The following ADAM18 variants were observed in gnomAD, a reference collection of about 807,000 sequenced individuals.
The protein encoded by ADAM18 is ADAM metallopeptidase domain 18, also known as disintegrin and metalloproteinase domain-containing protein 18.
In ADAM18, 117 loss-of-function variants were observed where a neutral mutation model predicts 94.4. The observed-to-expected ratio is 1.24, with a 90% confidence interval of 1.07 to 1.45. ADAM18 has a LOEUF of 1.45. Ranked by LOEUF, ADAM18 falls within the 40% of genes most tolerant of loss-of-function variation. The pLI, the probability that ADAM18 is intolerant of heterozygous loss-of-function variation, is 0.00. For synonymous variants in ADAM18, 327 were observed against 291.6 expected, an observed-to-expected ratio of 1.12 and a Z score of -1.24; for missense variants, 936 against 880.0, an observed-to-expected ratio of 1.06 and a Z score of -0.81.
intron 18 of ADAM18, among the ~76,000 whole-genome samples, chr8:39,721,065 A>G (rs1822729400): frequency 6.6e-6 from 1 of 151,486 alleles, no homozygotes; most frequent in Admixed American, 6.6e-5. Context: ...ACTATAAGCA[A>G]CAACATCTGT....
intron 16 of ADAM18, among the ~76,000 whole-genome samples, chr8:39,691,824 A>G (rs1390392093): frequency 6.6e-6 from 1 of 152,026 alleles, no homozygotes; most frequent in Non-Finnish European, 1.5e-5. Context: ...TGGCTAGAGC[A>G]TCTGATATTT....
intron 16 of ADAM18, among the ~76,000 whole-genome samples, chr8:39,688,585 A>G (rs1461143852): frequency 6.6e-6 from 1 of 152,218 alleles, no homozygotes; most frequent in African/African-American, 2.4e-5. Context: ...ATGTCTGCAT[A>G]GTATTCCATA....
intron 8 of ADAM18, 77 bp downstream of exon 8, chr8:39,637,412 A>G (rs1820109617): frequency 1.4e-6 from 2 of 1,439,490 alleles, no homozygotes; most frequent in Admixed American, 4.2e-5. Context: ...TTGGCCAATG[A>G]ATAACTTAAA....
chr8:39,720,861 C>A (rs963791929), intron 18 of ADAM18, among the ~76,000 whole-genome samples: 1 of 151,410 alleles, frequency 6.6e-6, no homozygotes, highest in Non-Finnish European at 1.5e-5. Context: ...AGCATTGACA[C>A]TTCCCGTGTA....
rs578149010 is a variant in ADAM18 at position 39,606,241 on chromosome 8, G to T, written c.133-66G>T. 5.9e-6 allele frequency: 5 copies of T among 845,556 alleles called. No individual in the cohort carries two copies. The South Asian group carries it at 8.6e-5, about 15-fold the overall frequency. 52.4% of individuals were successfully genotyped at this position (845,556 alleles called of 1,614,324 possible). A position where few individuals can be genotyped will look rare whatever the true frequency, so the allele number is the denominator to read the frequency against. ...ATAGACTCTTTTTATTAACTTGGAT[G>T]AATATTGTTTTATTTTATATATTTC... On this transcript the variant is annotated intron_variant, in intron 2 of 19. Coordinates refer to ENST00000265707, the MANE Select transcript of ADAM18 (RefSeq NM_014237.3).
At chr8:39,656,757 C>T (rs1188148665) in intron 12 of ADAM18, among the ~76,000 whole-genome samples, 1 of 152,032 alleles carries the variant, frequency 6.6e-6, no homozygotes, top group African/African-American at 2.4e-5. Context: ...AAAGAATTGA[C>T]CTAATTCTTA....
In ADAM18 at chr8:39,659,557, A is replaced by T. The variant is rs138083710; in HGVS notation, c.1231-4238A>T. ...AGATGTCTCTGAAATATGTAAAACA[A>T]AATACGTGGAATATGCACATATCCA... On this transcript the variant is annotated intron_variant, in intron 12 of 19. Transcript: ENST00000265707. Among the ~76,000 whole-genome samples the T allele has an allele frequency of 8.9e-3, 1,357 of 152,236 alleles. 10 individuals are homozygous for T. The highest frequency in any genetic ancestry group is 0.014 in the Non-Finnish European group (975 of 67,948).
chr8:39,586,556 A>T (rs1445560585), intron 2 of ADAM18, among the ~76,000 whole-genome samples: 1 of 152,002 alleles, frequency 6.6e-6, no homozygotes, highest in African/African-American at 2.4e-5. Flanking sequence ...AGTTGGTGAG[A>T]CCCCATCTCT....
At chr8:39,664,839 T>C (rs1342545608) in intron 13 of ADAM18, among the ~76,000 whole-genome samples, 1 of 152,144 alleles carries the variant, frequency 6.6e-6, no homozygotes, top group Non-Finnish European at 1.5e-5. Flanking sequence ...AGACACACAT[T>C]TGGATAAGAA....
At chr8:39,675,890 T>C (rs1253011327) in intron 14 of ADAM18, among the ~76,000 whole-genome samples, 1 of 152,254 alleles carries the variant, frequency 6.6e-6, no homozygotes, top group Non-Finnish European at 1.5e-5. Context: ...GTCCCTCAGC[T>C]GCAGGTCTGT....
intron 6 of ADAM18, among the ~76,000 whole-genome samples, chr8:39,623,246 A>T (rs572934114): frequency 7.2e-5 from 11 of 152,286 alleles, no homozygotes; most frequent in Middle Eastern, 3.4e-3. Flanking sequence ...CCACTCACTG[A>T]TTGATGTTCA....
intron 16 of ADAM18, 129 bp downstream of exon 16, chr8:39,680,355 G>A (rs1821420625): frequency 1.1e-6 from 1 of 898,430 alleles, no homozygotes; most frequent in Non-Finnish European, 1.6e-6. Flanking sequence ...TTTCCCATGT[G>A]ATATTTAAAT....
chr8:39,683,970 C>G lies in ADAM18; in HGVS notation c.1821+3744C>G, dbSNP rs113095793. Among the ~76,000 whole-genome samples the G allele has an allele frequency of 1.3e-3, 194 of 152,078 alleles. 1 individual carries two copies. The highest frequency in any genetic ancestry group is 4.2e-3 in the African/African-American group (175 of 41,484). ...TGGGAAACATAGCGAGAACTTGTCT[C>G]TAAAAAATAATATTATTTTAAAAAA... On this transcript the variant is annotated intron_variant, in intron 16 of 19. Transcript: ENST00000265707.
At chr8:39,607,813 GTT>G (rs61175960) in intron 3 of ADAM18, among the ~76,000 whole-genome samples, 6 of 142,388 alleles carry the variant, frequency 4.2e-5, no homozygotes, top group Non-Finnish European at 9.2e-5. Flanking sequence ...CTGCATTCTG[GTT>G]TTTTTTTTTC....
In ADAM18 at chr8:39,588,962, C is replaced by T. The variant is rs761823941; in HGVS notation, c.132+3610C>T. ...GTATCTTAGTAAGTCTTATCTAGGG[C>T]ACGGGAAGACCAGAACATTCCTAAA... On this transcript the variant is annotated intron_variant, in intron 2 of 19. Transcript: ENST00000265707. 2.0e-5 allele frequency among the ~76,000 whole-genome samples: 3 copies of T among 152,130 alleles called. No individual in the cohort carries two copies. The East Asian group carries it at 5.8e-4, about 29-fold the overall frequency.
At chr8:39,599,872 A>T (rs78273869) in intron 2 of ADAM18, among the ~76,000 whole-genome samples, 4,831 of 151,734 alleles carry the variant, frequency 0.032, 285 homozygotes, top group African/African-American at 0.11. Flanking sequence ...GATTTAAAAA[A>T]TTTGTGTTTT....
At position 39,617,673 on chromosome 8, in the gene ADAM18, T is replaced by A. The variant is rs189837812; in HGVS notation, c.522+6967T>A. On this transcript the variant is annotated intron_variant, in intron 6 of 19. Coordinates refer to ENST00000265707, the MANE Select transcript of ADAM18 (RefSeq NM_014237.3). ...TACACAGCCATAAAGAATACTGAAATTATGTTCTGTGTAGCAATATGAATG... is the reference window on the plus strand; with the variant it reads ...TACACAGCCATAAAGAATACTGAAAATATGTTCTGTGTAGCAATATGAATG... Among the ~76,000 whole-genome samples, 16 of 152,292 alleles carry A rather than the reference T, an allele frequency of 1.1e-4. 1 individual carries two copies. The highest frequency in any genetic ancestry group is 1.5e-5 in the Non-Finnish European group (1 of 68,014).
chr8:39,597,180 TTATC>T (rs1286699525), intron 2 of ADAM18, among the ~76,000 whole-genome samples: 2 of 152,184 alleles, frequency 1.3e-5, no homozygotes, highest in Non-Finnish European at 2.9e-5. Flanking sequence ...TTTTGGTCCT[TTATC>T]ATATAGGCCT....
At chr8:39,683,875 T>C (rs1159644789) in intron 16 of ADAM18, among the ~76,000 whole-genome samples, 1 of 152,172 alleles carries the variant, frequency 6.6e-6, no homozygotes. Context: ...TAGTTTTATT[T>C]GACAAACAAA....
Sources: allele counts gnomAD v4.1 joint callset (sites outside exome capture counted in the v4.1 genomes callset), GRCh38; gene constraint gnomAD v4.1.1; transcripts MANE v1.5; gene names NCBI Gene and HGNC (gene_info 2026-07-23, HGNC 2026-07-21).